The following ABCC2 variants were observed in gnomAD, a reference collection of about 807,000 sequenced individuals.
The protein encoded by ABCC2 is ATP-binding cassette sub-family C member 2.
ABCC2 carries 157 observed loss-of-function variants against 173.4 expected under a neutral mutation model. The observed-to-expected ratio is 0.91, with a 90% confidence interval of 0.80 to 1.03. ABCC2 has a LOEUF of 1.03. Ranked by LOEUF, ABCC2 falls within the 50% of genes least tolerant of loss-of-function variation. The pLI is 0.00. For synonymous variants in ABCC2, 657 were observed against 693.5 expected (o/e 0.95, Z 0.83); for missense variants, 1,822 against 1,852.3 (o/e 0.98, Z 0.30).
At chr10:99,798,368 G>A (rs1224750652) in intron 7 of ABCC2, among the ~76,000 whole-genome samples, 2 of 152,142 alleles carry the variant, frequency 1.3e-5, no homozygotes, top group African/African-American at 4.8e-5. Context: ...TAATGAGGAG[G>A]CCAAAGCATA....
At chr10:99,835,426 G>T (rs979577859) in intron 24 of ABCC2, among the ~76,000 whole-genome samples, 3 of 151,856 alleles carry the variant, frequency 2.0e-5, no homozygotes, top group Non-Finnish European at 4.4e-5. Context: ...ACTCTTCCCA[G>T]GTTTCAACAA....
chr10:99,851,558 T>A lies in ABCC2; in HGVS notation c.4565T>A (p.Leu1522Gln). 1 of 1,614,166 alleles carries A rather than the reference T, an allele frequency of 6.2e-7. No homozygotes were observed. Among genetic ancestry groups the A allele is most frequent in the Non-Finnish European group, 8.5e-7 (1 of 1,180,022 alleles). Reference sequence around the variant, plus strand: ...GAGTGCGGCAGCCCTGAAGAACTGCTACAAATCCCTGGACCCTTTTACTTT... The same window carrying A: ...GAGTGCGGCAGCCCTGAAGAACTGCAACAAATCCCTGGACCCTTTTACTTT... ...IIECGSPEELLQIPGPFYFMA... is the reference protein window; with the variant it reads ...IIECGSPEELQQIPGPFYFMA... Residue 1522 changes from leucine (L) to glutamine (Q), a missense_variant, in exon 32 of 32, where the codon CTA becomes CAA. By Grantham distance (113) the Leu-to-Gln change is moderately radical (BLOSUM62 -2). Transcript: ENST00000647814.
At chr10:99,838,278 A>G (rs10082440) in intron 25 of ABCC2, among the ~76,000 whole-genome samples, 64 of 4,320 alleles carry the variant, frequency 0.015, no homozygotes, top group Admixed American at 0.039. Flanking sequence ...AGGGGCGGCC[A>G]GGCAGAGGCG....
rs1433524409 is a variant in ABCC2, at chr10:99,830,399, A to G, written c.2713A>G (p.Arg905Gly). 1 of 1,614,214 alleles carries G rather than the reference A, an allele frequency of 6.2e-7. No homozygotes were observed. The highest frequency in any genetic ancestry group is 8.5e-7 in the Non-Finnish European group (1 of 1,180,026). ...AGATGCAGCCTCCATAACCATGAGA[A>G]GAGAGAACAGCTTTCGTCGAACACT... ...PEDAASITMRRENSFRRTLSR... is the reference protein window; with the variant it reads ...PEDAASITMRGENSFRRTLSR... Residue 905 changes from arginine (R) to glycine (G), a missense_variant, in exon 20 of 32, where the codon AGA becomes GGA. Physicochemically the swap from Arg to Gly is moderately radical, Grantham distance 125. Transcript: ENST00000647814.
At chr10:99,846,320 C>T (rs755174102) in intron 29 of ABCC2, among the ~76,000 whole-genome samples, 3 of 152,224 alleles carry the variant, frequency 2.0e-5, no homozygotes, top group Non-Finnish European at 2.9e-5. Flanking sequence ...TTTCCTCCTC[C>T]GCCCACTGCA....
chr10:99,784,763 A>C lies in ABCC2; in HGVS notation c.189A>C (p.Lys63Asn), dbSNP rs41286890. Residue 63 changes from lysine (K) to asparagine (N), a missense_variant, in exon 2 of 32, where the codon AAA (lysine) becomes AAC (asparagine). Transcript: ENST00000647814. The part of the protein sequence containing the change: ...KSRTKRSSTT[K>N]LYLAKQVFVG... ...GGACCAAGAGATCCTCTACCACCAA[A>C]CTCTATCTTGCTAAGCAGGTAAAGT... is the stretch of plus-strand genomic sequence containing the variant. 6.2e-7 allele frequency: 1 copy of C among 1,613,500 alleles called. No individual in the cohort carries two copies. Among genetic ancestry groups the C allele is most frequent in the Non-Finnish European group, 8.5e-7 (1 of 1,179,964 alleles).
chr10:99,805,642 C>T (rs1276812191), intron 11 of ABCC2, among the ~76,000 whole-genome samples, 195 bp downstream of exon 11: 1 of 152,086 alleles, frequency 6.6e-6, no homozygotes, highest in Non-Finnish European at 1.5e-5. Context: ...CCCTAAATAG[C>T]TTGTTTTGTT....
chr10:99,846,875 C>G (rs2039025201), intron 29 of ABCC2, 86 bp from the exon 30 acceptor site: 1 of 1,551,104 alleles, frequency 6.4e-7, no homozygotes, highest in South Asian at 1.1e-5. Context: ...TCAGGCCAGT[C>G]CTATCCACCA....
In ABCC2 at chr10:99,792,325, G is replaced by C; in HGVS notation, c.299G>C (p.Arg100Pro). Residue 100 changes from arginine (R) to proline (P), a missense_variant, in exon 3 of 32, where the codon CGA becomes CCA. Physicochemically the swap from Arg to Pro is moderately radical, Grantham distance 103. Coordinates refer to ENST00000647814, the MANE Select transcript of ABCC2 (RefSeq NM_000392.5). ...GGACAAGCCACAGTCCCTGCTGTTC[G>C]ATATACCAATCCAAGCCTCTACCTA... is the stretch of plus-strand genomic sequence containing the variant. ...DSGQATVPAVRYTNPSLYLGT... is the reference protein window; with the variant it reads ...DSGQATVPAVPYTNPSLYLGT... 5 of 1,614,092 alleles carry C rather than the reference G, an allele frequency of 3.1e-6. No individual in the cohort carries two copies. Among genetic ancestry groups the C allele is most frequent in the African/African-American group, 2.7e-5 (2 of 75,056 alleles).
chr10:99,808,677 A>G (rs76032507), intron 13 of ABCC2, among the ~76,000 whole-genome samples: 1,725 of 152,326 alleles, frequency 0.011, 29 homozygotes, highest in Middle Eastern at 0.041. Context: ...TCAAGCTATC[A>G]GAAAATGAGT....
intron 25 of ABCC2, among the ~76,000 whole-genome samples, chr10:99,839,107 C>G (rs2038884315): frequency 1.4e-5 from 2 of 144,098 alleles, no homozygotes; most frequent in Admixed American, 6.8e-5. Flanking sequence ...CCCCACCTCC[C>G]TCCCGGACGG....
Position 99,804,112 on chromosome 10 carries a change from A to C in ABCC2, c.1303A>C (p.Thr435Pro). 1 of 1,614,130 alleles carries C rather than the reference A, an allele frequency of 6.2e-7. No homozygotes were observed. Among genetic ancestry groups the C allele is most frequent in the East Asian group, 2.2e-5 (1 of 44,878 alleles). The change falls in exon 10 of 32, where the codon ACC becomes CCC. Residue 435 changes from threonine to proline, a missense_variant. Transcript: ENST00000647814. ...GGATGCCCAGAAGCTCATGGATGTG[A>C]CCAACTTCATGCACATGCTGTGGTC... Reference protein sequence around the residue: ...SVDAQKLMDVTNFMHMLWSSV... With the variant: ...SVDAQKLMDVPNFMHMLWSSV...
intron 24 of ABCC2, 97 bp from the exon 25 acceptor site, chr10:99,835,994 A>G: frequency 8.0e-7 from 1 of 1,243,988 alleles, no homozygotes; most frequent in Non-Finnish European, 1.2e-6. Context: ...AGCTGTGCCC[A>G]TCAAGGGGAA....
chr10:99,813,080 A>G lies in ABCC2; in HGVS notation c.2030A>G (p.Lys677Arg). Residue 677 changes from lysine (K) to arginine (R), a missense_variant, in exon 16 of 32, where the codon AAA becomes AGA. Physicochemically the swap from Lys to Arg is conservative, Grantham distance 26 (BLOSUM62 2). Coordinates refer to ENST00000647814, the MANE Select transcript of ABCC2 (RefSeq NM_000392.5). Reference sequence around the variant, plus strand: ...GTGATAGGCCCTGTCGGCTCTGGGAAATCCTCCTTGATATCAGCCATGCTG... The same window carrying G: ...GTGATAGGCCCTGTCGGCTCTGGGAGATCCTCCTTGATATCAGCCATGCTG... ...VAVIGPVGSG[K>R]SSLISAMLGE... 1 of 1,614,086 alleles carries G rather than the reference A, an allele frequency of 6.2e-7. No homozygotes were observed. The highest frequency in any genetic ancestry group is 8.5e-7 in the Non-Finnish European group (1 of 1,179,944).
chr10:99,819,916 T>G (rs1217303611), intron 19 of ABCC2, among the ~76,000 whole-genome samples: 2 of 152,188 alleles, frequency 1.3e-5, no homozygotes, highest in African/African-American at 2.4e-5. Flanking sequence ...CCAACAGCAG[T>G]CCTGTGCATT....
At chr10:99,843,357 A>G (rs1209365181) in intron 26 of ABCC2, among the ~76,000 whole-genome samples, 1 of 152,234 alleles carries the variant, frequency 6.6e-6, no homozygotes, top group Admixed American at 6.5e-5. Flanking sequence ...CCATTTGCTC[A>G]ACAAGAACTC....
chr10:99,829,368 T>C (rs1395768987), intron 19 of ABCC2, among the ~76,000 whole-genome samples: 8 of 152,204 alleles, frequency 5.3e-5, no homozygotes, highest in Non-Finnish European at 1.2e-4. Flanking sequence ...CTTACTAAGT[T>C]TCAGCTCTTC....
At position 99,797,022 on chromosome 10, in the gene ABCC2, G is replaced by C. The variant is rs56287854; in HGVS notation, c.633-75G>C. The C allele has an allele frequency of 1.5e-3, 1,931 of 1,290,548 alleles. 2 individuals carry two copies. The highest frequency in any genetic ancestry group is 1.9e-3 in the Non-Finnish European group (1,696 of 893,730). 79.9% of individuals were successfully genotyped at this position (1,290,548 alleles called of 1,614,324 possible). A position where few individuals can be genotyped will look rare whatever the true frequency, so the allele number is the denominator to read the frequency against. ...CCCTCTATCCCAGAACCTGGAGGTA[G>C]GTTCTGATAGAAGTGGTGGAGATAG... On this transcript the variant is annotated intron_variant, in intron 6 of 31. Coordinates refer to ENST00000647814, the MANE Select transcript of ABCC2 (RefSeq NM_000392.5).
intron 8 of ABCC2, 146 bp downstream of exon 8, chr10:99,799,516 G>T: frequency 1.0e-6 from 1 of 1,000,690 alleles, no homozygotes; most frequent in African/African-American, 1.6e-5. Context: ...TTACAGCATT[G>T]TGTTCATGAA....
Sources: allele counts gnomAD v4.1 joint callset (sites outside exome capture counted in the v4.1 genomes callset), GRCh38; gene constraint gnomAD v4.1.1; transcripts MANE v1.5; gene names NCBI Gene and HGNC (gene_info 2026-07-23, HGNC 2026-07-21).